Variants in ANK3 observed in about 807,000 individuals in gnomAD.
ANK3 encodes the protein ankyrin 3.
ANK3 carries 57 observed loss-of-function variants against 370.9 expected under a neutral mutation model. That is an observed-to-expected ratio of 0.15 (90% CI 0.12 to 0.19). ANK3 has a LOEUF of 0.19. Among genes scored for constraint, ANK3 ranks in the 10% least tolerant of loss-of-function variants. ANK3 has a pLI of 1.00. For synonymous variants in ANK3, 1,929 were observed against 1,946.3 expected, an observed-to-expected ratio of 0.99 and a Z score of 0.23; for missense variants, 4,439 against 5,302.1, an observed-to-expected ratio of 0.84 and a Z score of 5.06.
intron 1 of ANK3, among the ~76,000 whole-genome samples, chr10:60,321,810 A>T (rs181232803): frequency 4.6e-5 from 7 of 152,324 alleles, no homozygotes; most frequent in Admixed American, 3.3e-4. Context: ...GGTCATGAGA[A>T]CAGTACATTT....
intron 2 of ANK3, among the ~76,000 whole-genome samples, chr10:60,613,539 A>G (rs555360908): frequency 2.0e-5 from 3 of 152,344 alleles, no homozygotes; most frequent in African/African-American, 7.2e-5. Flanking sequence ...CATATGGCTA[A>G]GATAAAATTG....
chr10:60,453,543 A>G (rs2133043873), intron 2 of ANK3, among the ~76,000 whole-genome samples: 1 of 152,348 alleles, frequency 6.6e-6, no homozygotes, highest in Admixed American at 6.5e-5. Flanking sequence ...GCTAAACAGT[A>G]ATGACCTTGG....
intron 2 of ANK3, among the ~76,000 whole-genome samples, chr10:60,519,546 C>T (rs1338343357): frequency 1.3e-5 from 2 of 152,072 alleles, no homozygotes; most frequent in Non-Finnish European, 2.9e-5. Context: ...AGAGAAGCTG[C>T]CTCTCACTCT....
At chr10:60,704,307 AT>A (rs1390577957) in intron 1 of ANK3, among the ~76,000 whole-genome samples, 2 of 152,188 alleles carry the variant, frequency 1.3e-5, no homozygotes, top group African/African-American at 4.8e-5. Flanking sequence ...TATCAGTTTT[AT>A]TTCTCTTTTT....
intron 23 of ANK3, among the ~76,000 whole-genome samples, chr10:60,156,029 A>G (rs1039268240): frequency 6.6e-6 from 1 of 152,160 alleles, no homozygotes; most frequent in Non-Finnish European, 1.5e-5. Flanking sequence ...AATTCTCCTA[A>G]TAGACTCCCC....
At chr10:60,284,229 T>C (rs1015763876) in intron 1 of ANK3, among the ~76,000 whole-genome samples, 1 of 152,198 alleles carries the variant, frequency 6.6e-6, no homozygotes, top group Admixed American at 6.5e-5. Flanking sequence ...GGAAGAATTC[T>C]GCCCTAGAGT....
At chr10:60,538,211 C>A (rs184327266) in intron 2 of ANK3, among the ~76,000 whole-genome samples, 1 of 151,602 alleles carries the variant, frequency 6.6e-6, no homozygotes, top group Admixed American at 6.6e-5. Context: ...CTGAATGAGG[C>A]AAAGAAAAGG....
At chr10:60,730,879 T>A (rs2080012821) in intron 1 of ANK3, among the ~76,000 whole-genome samples, 1 of 152,208 alleles carries the variant, frequency 6.6e-6, no homozygotes, top group Non-Finnish European at 1.5e-5. Flanking sequence ...TCATTATGTG[T>A]TCTAACTCAG....
At chr10:60,326,818 G>C (rs1021390090) in intron 1 of ANK3, among the ~76,000 whole-genome samples, 1 of 152,030 alleles carries the variant, frequency 6.6e-6, no homozygotes, top group Non-Finnish European at 1.5e-5. Flanking sequence ...TCAGGCTATC[G>C]AGACCATCCT....
chr10:60,075,723 T>C lies in ANK3; in HGVS notation c.5158A>G (p.Ile1720Val), dbSNP rs1564829169. The C allele has an allele frequency of 1.9e-6, 3 of 1,614,062 alleles. No homozygotes were observed. Among genetic ancestry groups the C allele is most frequent in the Non-Finnish European group, 2.5e-6 (3 of 1,179,970 alleles). ...GATGATGGATATTTTAGAGGGGAAA[T>C]AGATCCATTGACTAATGCTACCTCT... Reference protein sequence around the residue: ...HAEVALVNGSISPLKYPSSST... With the variant: ...HAEVALVNGSVSPLKYPSSST... Residue 1720 changes from isoleucine (I) to valine (V), a missense_variant, in exon 37 of 44, where the codon ATT becomes GTT. Ile to Val is a conservative substitution (Grantham distance 29). Around this residue, in one of 13 missense-constraint regions of ANK3, gnomAD observed 679 missense variants for 791.0 expected, o/e 0.86. Coordinates refer to ENST00000280772, the MANE Select transcript of ANK3 (RefSeq NM_020987.5).
intron 1 of ANK3, among the ~76,000 whole-genome samples, chr10:60,732,118 C>T (rs1304800717): frequency 2.6e-5 from 4 of 152,096 alleles, no homozygotes; most frequent in African/African-American, 9.7e-5. Context: ...TTCAAATGTG[C>T]CTCATTTTTA....
At chr10:60,177,965 T>G (rs1189019117) in intron 18 of ANK3, among the ~76,000 whole-genome samples, 2 of 152,198 alleles carry the variant, frequency 1.3e-5, no homozygotes, top group African/African-American at 4.8e-5. Context: ...TTCTTTATTC[T>G]TCATTTGGAT....
At chr10:60,427,690 G>A (rs2063919928) in intron 2 of ANK3, among the ~76,000 whole-genome samples, 2 of 151,860 alleles carry the variant, frequency 1.3e-5, no homozygotes, top group Non-Finnish European at 2.9e-5. Context: ...ATTAGAGAAG[G>A]GCATGAAATT....
At chr10:60,286,170 CCAA>C (rs1555240779) in intron 1 of ANK3, among the ~76,000 whole-genome samples, 1 of 152,094 alleles carries the variant, frequency 6.6e-6, no homozygotes, top group Non-Finnish European at 1.5e-5. Flanking sequence ...TTGAAGACTC[CCAA>C]CGAGTCCCTT....
At position 60,189,362 on chromosome 10, in the gene ANK3, G is replaced by T. The variant is rs12269543; in HGVS notation, c.1888-2450C>A. On this transcript the variant is annotated intron_variant, in intron 16 of 43. Transcript: ENST00000280772. The stretch of plus-strand genomic sequence containing the variant: ...AGAGAGACAGAGAGACAGATACAGG[G>T]AGAGACAGAGACAGAGAGAGAGACA... Among the ~76,000 whole-genome samples, 616 of 152,190 alleles carry T rather than the reference G, an allele frequency of 4.0e-3. 3 individuals carry two copies. Among genetic ancestry groups the T allele is most frequent in the African/African-American group, 0.014 (565 of 41,506 alleles).
intron 10 of ANK3, 68 bp downstream of exon 10, chr10:60,207,968 T>C: frequency 7.3e-7 from 1 of 1,378,634 alleles, no homozygotes; most frequent in Admixed American, 1.7e-5. Context: ...AAGCATTCCC[T>C]TCACATACAG....
At chr10:60,211,795 G>A (rs185068413) in intron 9 of ANK3, among the ~76,000 whole-genome samples, 33 of 147,974 alleles carry the variant, frequency 2.2e-4, no homozygotes, top group African/African-American at 7.0e-4. Flanking sequence ...CACCTGATCA[G>A]CACTGCCTAC....
intron 1 of ANK3, among the ~76,000 whole-genome samples, chr10:60,320,516 T>C (rs150467755): frequency 5.5e-4 from 83 of 152,266 alleles, no homozygotes; most frequent in African/African-American, 1.9e-3. Flanking sequence ...TGAGAATCGT[T>C]TGAACCTAGG....
chr10:60,537,236 G>T (rs1384708383), intron 2 of ANK3, among the ~76,000 whole-genome samples: 1 of 151,948 alleles, frequency 6.6e-6, no homozygotes, highest in Non-Finnish European at 1.5e-5. Context: ...AAATGCCTTT[G>T]TTATAGCTAC....
Sources: gnomAD v4.1 joint callset for allele counts (sites outside exome capture counted in the v4.1 genomes callset) on GRCh38, gnomAD v4.1.1 for gene constraint, gnomAD v4.1.1 regional missense constraint, MANE v1.5 for transcripts, NCBI Gene and HGNC (gene_info 2026-07-23, HGNC 2026-07-21) for gene names.